MAGI3: variants seen among roughly 807,000 people sequenced by gnomAD.
MAGI3 encodes the protein membrane associated guanylate kinase, WW and PDZ domain containing 3, also known as membrane-associated guanylate kinase, WW and PDZ domain-containing protein 3.
Under a neutral mutation model 121.8 loss-of-function variants are expected in MAGI3, and 43 were observed. The ratio of observed to expected loss-of-function variants is 0.35; its 90% CI spans 0.28 to 0.46. The LOEUF (loss-of-function observed/expected upper bound fraction) is 0.46, where lower values mean the gene tolerates loss of function less well. Ranked by LOEUF, MAGI3 falls within the 20% of genes least tolerant of loss-of-function variation. The pLI is 1.00. For synonymous variants in MAGI3, 553 were observed against 639.3 expected, an observed-to-expected ratio of 0.86 and a Z score of 2.04; for missense variants, 1,547 against 1,797.3, an observed-to-expected ratio of 0.86 and a Z score of 2.52.
intron 6 of MAGI3, among the ~76,000 whole-genome samples, chr1:113,598,230 T>G (rs1308853560): frequency 9.4e-6 from 1 of 106,194 alleles, no homozygotes. Flanking sequence ...CCACCCCCCC[T>G]CCAAAAAAAA....
chr1:113,604,366 A>C (rs1006649198), intron 6 of MAGI3, among the ~76,000 whole-genome samples: 2 of 152,008 alleles, frequency 1.3e-5, no homozygotes, highest in Non-Finnish European at 2.9e-5. Flanking sequence ...CAAGAGATCA[A>C]GACCATCCTG....
At chr1:113,587,767 A>G (rs1648464229) in intron 4 of MAGI3, among the ~76,000 whole-genome samples, 1 of 152,196 alleles carries the variant, frequency 6.6e-6, no homozygotes, top group South Asian at 2.1e-4. Flanking sequence ...AATTGCTTGG[A>G]ACTATATTAA....
chr1:113,437,876 T>TTCTTCTTCTTCTTCCTCTTCC (rs1653688447), intron 1 of MAGI3, among the ~76,000 whole-genome samples: 10 of 3,274 alleles, frequency 3.1e-3, no homozygotes, highest in Non-Finnish European at 4.9e-3. Flanking sequence ...CTTCTTCTTC[T>TTCTTCTTCTTCTTCCTCTTCC]TCTCCTTCTC....
intron 2 of MAGI3, among the ~76,000 whole-genome samples, chr1:113,568,895 C>G (rs1194091018): frequency 6.6e-6 from 1 of 151,740 alleles, no homozygotes; most frequent in Non-Finnish European, 1.5e-5. Flanking sequence ...TTCAACTAGA[C>G]ACAAAAACCA....
chr1:113,553,891 C>A (rs1659882571), intron 2 of MAGI3, among the ~76,000 whole-genome samples: 1 of 152,132 alleles, frequency 6.6e-6, no homozygotes. Context: ...TGCCTGTAGT[C>A]CCAGCTACTT....
At chr1:113,485,986 T>G (rs1656362006) in intron 1 of MAGI3, among the ~76,000 whole-genome samples, 2 of 152,220 alleles carry the variant, frequency 1.3e-5, no homozygotes, top group Admixed American at 1.3e-4. Context: ...ATATTTGGCT[T>G]TATTTCTGGG....
intron 9 of MAGI3, among the ~76,000 whole-genome samples, chr1:113,639,374 C>G (rs115256829): frequency 0.021 from 3,266 of 152,260 alleles, 117 homozygotes; most frequent in African/African-American, 0.074. Context: ...TCGGCCATCT[C>G]GGCTCCCACC....
intron 1 of MAGI3, among the ~76,000 whole-genome samples, chr1:113,416,068 T>G (rs1652304243): frequency 1.4e-5 from 2 of 142,986 alleles, no homozygotes; most frequent in Non-Finnish European, 3.1e-5. Flanking sequence ...ATATTAATTA[T>G]GTAATTAATG....
intron 1 of MAGI3, among the ~76,000 whole-genome samples, chr1:113,534,707 C>A (rs1658884030): frequency 1.3e-5 from 2 of 152,128 alleles, no homozygotes; most frequent in South Asian, 4.1e-4. Context: ...ATCCCCCATG[C>A]CTAGCATAGT....
In MAGI3 at chr1:113,684,083, C is replaced by CTT. The variant is rs141967702; in HGVS notation, c.*81_*82dup. The CTT allele has an allele frequency of 5.8e-4, 638 of 1,108,480 alleles. No individual in the cohort carries two copies. Among genetic ancestry groups the CTT allele is most frequent in the South Asian group, 7.8e-4 (38 of 48,506 alleles). The allele number at this position is 1,108,480 out of a possible 1,614,324, so 68.7% of individuals were successfully genotyped here. A position where few individuals can be genotyped will look rare whatever the true frequency, so the allele number is the denominator to read the frequency against. On this transcript the variant is annotated 3_prime_UTR_variant, in exon 21 of 21. Transcript: ENST00000307546. ...ACAGCAGCATTTTTCCAGAAAAAGC[C>CTT]TTTTTTTTTTTTTCAGATATTCTGA...
At chr1:113,482,717 A>C (rs1248178289) in intron 1 of MAGI3, among the ~76,000 whole-genome samples, 2 of 151,662 alleles carry the variant, frequency 1.3e-5, no homozygotes, top group African/African-American at 4.8e-5. Context: ...TTTTTATGGA[A>C]AATGTAAGTA....
chr1:113,443,054 C>T (rs1416231308), intron 1 of MAGI3, among the ~76,000 whole-genome samples: 1 of 152,084 alleles, frequency 6.6e-6, no homozygotes, highest in Non-Finnish European at 1.5e-5. Context: ...TAGTTGTTGA[C>T]TTAATGAGAT....
Position 113,459,247 on chromosome 1 carries a change from CTAA to C in MAGI3, c.316+67900_316+67902del, listed in dbSNP as rs1391906141. On this transcript the variant is annotated intron_variant, in intron 1 of 20. Transcript: ENST00000307546. ...TATTTTTGTTTTTTAGATTTATCAA[CTAA>C]TGAGAATGATCGATTTAATGAAATT... Among the ~76,000 whole-genome samples the C allele has an allele frequency of 8.5e-5, 13 of 152,266 alleles. No individual in the cohort carries two copies. The South Asian group carries it at 1.7e-3, about 19-fold the overall frequency.
intron 3 of MAGI3, chr1:113,580,909 G>A: frequency 4.2e-6 from 1 of 240,398 alleles, no homozygotes; most frequent in Non-Finnish European, 7.9e-6. Context: ...CAGCCAGACT[G>A]GCCAGTTTAT....
At chr1:113,526,811 T>G (rs182435962) in intron 1 of MAGI3, among the ~76,000 whole-genome samples, 79 of 152,250 alleles carry the variant, frequency 5.2e-4, no homozygotes, top group Non-Finnish European at 9.3e-4. Flanking sequence ...TGAGAAATAT[T>G]TGGGAGATGG....
At chr1:113,614,169 A>G (rs1650320224) in intron 6 of MAGI3, among the ~76,000 whole-genome samples, 1 of 152,152 alleles carries the variant, frequency 6.6e-6, no homozygotes, top group Non-Finnish European at 1.5e-5. Flanking sequence ...GTCCAAGGCT[A>G]GGGTTTCCTT....
chr1:113,437,883 T>TC (rs1435938275), intron 1 of MAGI3, among the ~76,000 whole-genome samples: 210 of 2,706 alleles, frequency 0.078, 2 homozygotes, highest in Middle Eastern at 0.5. Flanking sequence ...TTCTTCTCCT[T>TC]CTCCTTCTCC....
chr1:113,599,472 A>G (rs1248877950), intron 6 of MAGI3, among the ~76,000 whole-genome samples: 2 of 152,376 alleles, frequency 1.3e-5, no homozygotes, highest in Non-Finnish European at 2.9e-5. Flanking sequence ...AAAATCTAGA[A>G]GAAATGGATA....
rs1394943186 is a variant in MAGI3 at position 113,423,397 on chromosome 1, G to A, written c.316+32048G>A. Among the ~76,000 whole-genome samples the A allele has an allele frequency of 4.6e-5, 7 of 151,896 alleles. No homozygotes were observed. The East Asian group carries it at 9.7e-4, about 21-fold the overall frequency. On this transcript the variant is annotated intron_variant, in intron 1 of 20. Coordinates refer to ENST00000307546, the MANE Select transcript of MAGI3 (RefSeq NM_001142782.2). ...CGCCATTCTCCTGCCTCAGCCTCTCGAGTAGCTGGGACTACAGGCGCCCGC... is the reference window on the plus strand; with the variant it reads ...CGCCATTCTCCTGCCTCAGCCTCTCAAGTAGCTGGGACTACAGGCGCCCGC...
Sources: gnomAD v4.1 joint callset for allele counts (sites outside exome capture counted in the v4.1 genomes callset) on GRCh38, gnomAD v4.1.1 for gene constraint, MANE v1.5 for transcripts, NCBI Gene and HGNC (gene_info 2026-07-23, HGNC 2026-07-21) for gene names.